Variants in PRKD1 observed in about 807,000 individuals in gnomAD.
PRKD1 encodes protein kinase D1.
A neutral mutation model predicts 95.9 loss-of-function variants in PRKD1; 63 were observed. The observed-to-expected ratio is 0.66, with a 90% CI of 0.54 to 0.81. PRKD1 has a LOEUF of 0.81. PRKD1 is among the 30% of genes least tolerant of loss of function. The pLI is 0.00. For synonymous variants in PRKD1, 425 were observed against 423.1 expected (o/e 1.00, Z -0.05); for missense variants, 1,048 against 1,165.3 (o/e 0.90, Z 1.47).
In PRKD1 at chr14:29,577,354, C is replaced by A; in HGVS notation, c.2623G>T (p.Glu875Ter). The change falls in exon 18 of 18, where the codon GAG (glutamate) becomes TAG (stop). Residue 875 changes from glutamate (E) to a stop codon, truncating the protein, a stop_gained. Transcript: ENST00000331968. LOFTEE classifies it high-confidence loss of function. ...TGTGTGGGGTACTGCAGCCCCTGCT[C>A]GCCTGCATACTTCTCCCACCTCAGG... Reference protein sequence around the residue: ...DDLRWEKYAGEQGLQYPTHLI... With the variant: ...DDLRWEKYAG 1 of 1,613,712 alleles carries A rather than the reference C, an allele frequency of 6.2e-7. No homozygotes were observed. Among genetic ancestry groups the A allele is most frequent in the Non-Finnish European group, 8.5e-7 (1 of 1,179,750 alleles).
At position 29,624,153 on chromosome 14, in the gene PRKD1, T is replaced by A; in HGVS notation, c.1904A>T (p.Gln635Leu). The A allele has an allele frequency of 6.3e-7, 1 of 1,592,048 alleles. No homozygotes were observed. Reference protein sequence around the residue: ...SQLRNEVAILQNLHHPGVVNL... With the variant: ...SQLRNEVAILLNLHHPGVVNL... ...CCCAAATGAGAACCAAAGAAGTACC[T>A]GTAGAATTGCAACCTCATTACGAAG... is the stretch of plus-strand genomic sequence containing the variant. Residue 635 changes from glutamine (Q) to leucine (L), a missense_variant and splice_region_variant, in exon 13 of 18, where the codon CAG becomes CTG. Gln to Leu is a moderately radical substitution (Grantham distance 113). Transcript: ENST00000331968.
rs139258874 is a variant in PRKD1 at position 29,734,568 on chromosome 14, A to C, written c.265-8894T>G. Reference sequence around the variant, plus strand: ...CATTCCTAGTACTAACGATTCTTTGAACATCTCTAAATATTCTCCCAAGTG... The same window carrying C: ...CATTCCTAGTACTAACGATTCTTTGCACATCTCTAAATATTCTCCCAAGTG... On this transcript the variant is annotated intron_variant, in intron 1 of 17. Transcript: ENST00000331968. Among the ~76,000 whole-genome samples, 762 of 152,208 alleles carry C rather than the reference A, an allele frequency of 5.0e-3. 7 individuals carry two copies. The highest frequency in any genetic ancestry group is 0.036 in the South Asian group (176 of 4,822).
chr14:29,650,577 A>C (rs1373150737), intron 4 of PRKD1: 1 of 152,250 alleles, frequency 6.6e-6, no homozygotes, highest in Non-Finnish European at 1.5e-5. Context: ...TGGGGGGGGC[A>C]GGAGAGTTTA....
At chr14:29,782,945 T>C (rs934798433) in intron 1 of PRKD1, among the ~76,000 whole-genome samples, 1 of 152,254 alleles carries the variant, frequency 6.6e-6, no homozygotes, top group African/African-American at 2.4e-5. Context: ...CAATTTGTAT[T>C]GATCAAATCA....
At position 29,786,483 on chromosome 14, in the gene PRKD1, G is replaced by T. The variant is rs923365643; in HGVS notation, c.265-60809C>A. Reference sequence around the variant, plus strand: ...GCCATCAGGTACTGAGCTTTTCTTTGGTTGGAGACTTTTTGTTACTGATTC... The same window carrying T: ...GCCATCAGGTACTGAGCTTTTCTTTTGTTGGAGACTTTTTGTTACTGATTC... On this transcript the variant is annotated intron_variant, in intron 1 of 17. Coordinates refer to ENST00000331968, the MANE Select transcript of PRKD1 (RefSeq NM_002742.3). Among the ~76,000 whole-genome samples, 4 of 152,028 alleles carry T rather than the reference G, an allele frequency of 2.6e-5. No individual in the cohort carries two copies. The East Asian group carries it at 7.7e-4, about 29-fold the overall frequency.
chr14:29,863,571 T>C (rs766367883), intron 1 of PRKD1, among the ~76,000 whole-genome samples: 1 of 152,170 alleles, frequency 6.6e-6, no homozygotes, highest in Admixed American at 6.6e-5. Context: ...GGACTAAATG[T>C]TGAATGTTAG....
chr14:29,871,655 T>A (rs1893112749), intron 1 of PRKD1, among the ~76,000 whole-genome samples: 1 of 152,192 alleles, frequency 6.6e-6, no homozygotes, highest in Non-Finnish European at 1.5e-5. Context: ...CTGCTTCAAG[T>A]CAATTCTCAA....
Position 29,669,637 on chromosome 14 carries a change from G to A in PRKD1, c.404-3429C>T, listed in dbSNP as rs12588152. ...GATCCCAACACTTTGGGAGGCCAAGGCAGGTGGATCACCTGAGGTCAGAAG... is the reference window on the plus strand; with the variant it reads ...GATCCCAACACTTTGGGAGGCCAAGACAGGTGGATCACCTGAGGTCAGAAG... On this transcript the variant is annotated intron_variant, in intron 2 of 17. Coordinates refer to ENST00000331968, the MANE Select transcript of PRKD1 (RefSeq NM_002742.3). Among the ~76,000 whole-genome samples, 13 of 152,348 alleles carry A rather than the reference G, an allele frequency of 8.5e-5. No individual in the cohort carries two copies. The East Asian group carries it at 2.5e-3, about 29-fold the overall frequency.
chr14:29,869,071 G>A (rs1324179406), intron 1 of PRKD1, among the ~76,000 whole-genome samples: 1 of 152,080 alleles, frequency 6.6e-6, no homozygotes, highest in Non-Finnish European at 1.5e-5. Context: ...TCCTACACTT[G>A]GATTTGGTGT....
chr14:29,682,226 A>G (rs1165196723), intron 2 of PRKD1, among the ~76,000 whole-genome samples: 2 of 152,200 alleles, frequency 1.3e-5, no homozygotes, highest in East Asian at 3.8e-4. Flanking sequence ...ACATCTGGGA[A>G]TATCAACGTG....
At chr14:29,673,833 C>G (rs1341876653) in intron 2 of PRKD1, among the ~76,000 whole-genome samples, 1 of 152,146 alleles carries the variant, frequency 6.6e-6, no homozygotes, top group Non-Finnish European at 1.5e-5. Context: ...TAGTACCTTT[C>G]TATTCTAAGC....
intron 2 of PRKD1, among the ~76,000 whole-genome samples, chr14:29,717,511 A>C (rs1885672527): frequency 6.6e-6 from 1 of 152,150 alleles, no homozygotes; most frequent in Non-Finnish European, 1.5e-5. Flanking sequence ...AAAATCAACT[A>C]CTTATGAAAT....
chr14:29,806,969 G>A (rs1890262326), intron 1 of PRKD1, among the ~76,000 whole-genome samples: 2 of 151,960 alleles, frequency 1.3e-5, no homozygotes, highest in Non-Finnish European at 2.9e-5. Context: ...GCATATAAAA[G>A]CTATGCTTAC....
At chr14:29,675,965 A>T (rs1400921683) in intron 2 of PRKD1, among the ~76,000 whole-genome samples, 1 of 111,832 alleles carries the variant, frequency 8.9e-6, no homozygotes, top group Admixed American at 1.3e-4. Context: ...AACATCACAC[A>T]TCGGGGCCTG....
intron 4 of PRKD1, 44 bp downstream of exon 4, chr14:29,663,655 G>T (rs752386481): frequency 1.9e-6 from 3 of 1,596,076 alleles, no homozygotes; most frequent in Admixed American, 1.7e-5. Context: ...TCACCCCACA[G>T]ATTTCTCATG....
intron 1 of PRKD1, among the ~76,000 whole-genome samples, chr14:29,922,312 A>G (rs1895146639): frequency 6.6e-6 from 1 of 151,472 alleles, no homozygotes; most frequent in South Asian, 2.1e-4. Context: ...AAAAAAAAAA[A>G]AAAGAAAAAG....
chr14:29,866,246 T>A (rs1488860117), intron 1 of PRKD1, among the ~76,000 whole-genome samples: 3 of 152,112 alleles, frequency 2.0e-5, no homozygotes, highest in African/African-American at 7.2e-5. Flanking sequence ...ATCTAACATA[T>A]CCCTCTCCAT....
chr14:29,865,325 TAAGG>T (rs947012137), intron 1 of PRKD1, among the ~76,000 whole-genome samples: 2 of 152,078 alleles, frequency 1.3e-5, no homozygotes, highest in Non-Finnish European at 2.9e-5. Context: ...ATGGTGCAAA[TAAGG>T]AAATCAAAAT....
intron 1 of PRKD1, among the ~76,000 whole-genome samples, chr14:29,892,894 T>G (rs1244315725): frequency 6.6e-6 from 1 of 152,218 alleles, no homozygotes; most frequent in Non-Finnish European, 1.5e-5. Flanking sequence ...TCTAAAATGT[T>G]ACAGGCATCA....
Sources: gnomAD v4.1 joint callset for allele counts (sites outside exome capture counted in the v4.1 genomes callset) on GRCh38, gnomAD v4.1.1 for gene constraint, MANE v1.5 for transcripts, NCBI Gene and HGNC (gene_info 2026-07-23, HGNC 2026-07-21) for gene names.